UGT2B11: variants seen among roughly 807,000 people sequenced by gnomAD.
The protein encoded by UGT2B11 is UDP glucuronosyltransferase family 2 member B11, also known as UDP-glucuronosyltransferase 2B11.
UGT2B11 carries 49 observed loss-of-function variants against 51.7 expected under a neutral mutation model. That is an observed-to-expected ratio of 0.95 (90% CI 0.75 to 1.20). The LOEUF is 1.20. UGT2B11 is among the 50% of genes most tolerant of loss of function. The pLI, the probability that UGT2B11 is intolerant of heterozygous loss-of-function variation, is 0.00. For missense variants in UGT2B11, 810 were observed against 622.1 expected (o/e 1.30, Z -3.21); for synonymous variants, 273 against 209.0 (o/e 1.31, Z -2.64).
At chr4:69,212,781 T>A in intron 1 of UGT2B11, 60 bp from the exon 2 acceptor site, 1 of 1,549,830 alleles carries the variant, frequency 6.5e-7, no homozygotes, top group South Asian at 1.3e-5. Flanking sequence ...TACATACCTT[T>A]CTGAAAAAGG....
At chr4:69,215,953 T>G (rs1412809404), upstream of UGT2B11, 1 of 152,056 alleles carries the variant, frequency 6.6e-6, no homozygotes, top group African/African-American at 2.4e-5. Context: ...TTGTTAAAAA[T>G]CTCAAATGCA....
At chr4:69,212,816 A>T in intron 1 of UGT2B11, 95 bp from the exon 2 acceptor site, 1 of 1,387,964 alleles carries the variant, frequency 7.2e-7, no homozygotes, top group Non-Finnish European at 9.5e-7. Context: ...GCAAAGATGT[A>T]GGTAAAGTTT....
At position 69,200,331 on chromosome 4, in the gene UGT2B11, TTTTG is replaced by T; in HGVS notation, c.*105_*108del. The stretch of plus-strand genomic sequence containing the variant: ...TTGAAAATTTTTTTTTTTTTTTTTT[TTTTG>T]TCACAGGAAGAAAGAAATCTTGCAT... On this transcript the variant is annotated 3_prime_UTR_variant, in exon 6 of 6. Transcript: ENST00000446444. 6 of 1,197,632 alleles carry T rather than the reference TTTTG, an allele frequency of 5.0e-6. No individual in the cohort carries two copies. Among genetic ancestry groups the T allele is most frequent in the Non-Finnish European group, 6.4e-6 (6 of 941,988 alleles). The allele number at this position is 1,197,632 out of a possible 1,614,324, so 74.2% of individuals were successfully genotyped here.
In UGT2B11 at chr4:69,214,092, C is replaced by A. The variant is rs1221679606; in HGVS notation, c.631G>T (p.Val211Leu). Reference protein sequence around the residue: ...LSDQMTFMERVKNMIYVLYFD... With the variant: ...LSDQMTFMERLKNMIYVLYFD... ...TAAAGCACATAGATCATATTTTTTA[C>A]CCTCTCCATGAAAGTCATTTGATCA... is the stretch of plus-strand genomic sequence containing the variant. The change falls in exon 1 of 6, where the codon GTA becomes TTA. Residue 211 changes from valine (V) to leucine (L), a missense_variant. Physicochemically the swap from Val to Leu is conservative, Grantham distance 32. Coordinates refer to ENST00000446444, the MANE Select transcript of UGT2B11 (RefSeq NM_001073.3). 1 of 1,611,180 alleles carries A rather than the reference C, an allele frequency of 6.2e-7. No individual in the cohort carries two copies. Among genetic ancestry groups the A allele is most frequent in the South Asian group, 1.1e-5 (1 of 90,726 alleles).
At chr4:69,224,442 G>T in the UGT2B11 span, among the ~76,000 whole-genome samples, 4 of 152,202 alleles carry the variant, frequency 2.6e-5, no homozygotes, top group African/African-American at 9.6e-5. Flanking sequence ...AGAGGGTCAG[G>T]GTTGTTAGAG....
upstream of UGT2B11, among the ~76,000 whole-genome samples, chr4:69,219,649 C>A (rs1231476766): frequency 1.3e-5 from 2 of 152,148 alleles, no homozygotes; most frequent in African/African-American, 4.8e-5. Context: ...TTATGTAATA[C>A]ATGGAGGCAG....
intron 2 of UGT2B11, among the ~76,000 whole-genome samples, chr4:69,211,604 T>G (rs566105287): frequency 6.6e-6 from 1 of 151,684 alleles, no homozygotes; most frequent in Admixed American, 6.6e-5. Context: ...GTGTTTTGTC[T>G]GTTTTAATAT....
At chr4:69,202,077 C>A (rs1473960071) in intron 5 of UGT2B11, among the ~76,000 whole-genome samples, 3 of 151,776 alleles carry the variant, frequency 2.0e-5, no homozygotes, top group Non-Finnish European at 4.4e-5. Context: ...AATACGTACT[C>A]AAAAGTGTCT....
chr4:69,217,853 A>T (rs1722312738), upstream of UGT2B11, among the ~76,000 whole-genome samples: 1 of 152,076 alleles, frequency 6.6e-6, no homozygotes, highest in Non-Finnish European at 1.5e-5. Flanking sequence ...TTCACAATCA[A>T]GATGCTGGTA....
chr4:69,223,997 C>A, the UGT2B11 span, among the ~76,000 whole-genome samples: 2 of 152,122 alleles, frequency 1.3e-5, no homozygotes, highest in African/African-American at 4.8e-5. Flanking sequence ...TAATTACAGA[C>A]CTATCTTTAA....
At chr4:69,221,744 G>C in the UGT2B11 span, among the ~76,000 whole-genome samples, 1 of 152,134 alleles carries the variant, frequency 6.6e-6, no homozygotes, top group Non-Finnish European at 1.5e-5. Context: ...GGTTAAAACT[G>C]AGAAGGCCAC....
chr4:69,222,821 C>T, the UGT2B11 span, among the ~76,000 whole-genome samples: 1 of 152,152 alleles, frequency 6.6e-6, no homozygotes, highest in African/African-American at 2.4e-5. Context: ...AATTCTCCTC[C>T]TACTGCTTAT....
chr4:69,211,184 T>A (rs554457540), intron 2 of UGT2B11: 1 of 151,668 alleles, frequency 6.6e-6, no homozygotes, highest in East Asian at 1.9e-4. Context: ...TTCTGGGATC[T>A]CAATGCAGAA....
In UGT2B11 at chr4:69,214,628, T is replaced by A. The variant is rs1280107389; in HGVS notation, c.95A>T (p.Glu32Val). The change falls in exon 1 of 6, where the codon GAA (glutamate) becomes GTA (valine). Residue 32 changes from glutamate (E) to valine (V), a missense_variant. Physicochemically the swap from Glu to Val is moderately radical, Grantham distance 121 (BLOSUM62 -2). Transcript: ENST00000446444. ...CTTCATATTCATCCAATGGCTGTAT[T>A]CTGCGGCCCACACCAGCACTTTTCC... ...SCGKVLVWAAEYSHWMNMKTI... is the reference protein window; with the variant it reads ...SCGKVLVWAAVYSHWMNMKTI... 1.4e-5 allele frequency: 23 copies of A among 1,613,158 alleles called. No homozygotes were observed. The highest frequency in any genetic ancestry group is 1.8e-5 in the Non-Finnish European group (21 of 1,179,422).
intron 3 of UGT2B11, chr4:69,205,780 G>T (rs2109944059): frequency 4.1e-6 from 2 of 487,310 alleles, no homozygotes; most frequent in Admixed American, 4.3e-5. Context: ...CAGTACCATA[G>T]AAAAATAAGA....
intron 2 of UGT2B11, 129 bp from the exon 3 acceptor site, chr4:69,208,611 T>C: frequency 2.7e-6 from 4 of 1,483,058 alleles, no homozygotes; most frequent in Non-Finnish European, 3.6e-6. Context: ...ATAATATTTT[T>C]TAACTGAATC....
chr4:69,221,281 T>A, the UGT2B11 span, among the ~76,000 whole-genome samples: 1 of 152,196 alleles, frequency 6.6e-6, no homozygotes, highest in African/African-American at 2.4e-5. Context: ...AGAATTGGGG[T>A]GTTCCAAGGA....
intron 5 of UGT2B11, among the ~76,000 whole-genome samples, chr4:69,203,029 C>T (rs1721717578): frequency 6.6e-6 from 1 of 151,500 alleles, no homozygotes; most frequent in African/African-American, 2.4e-5. Context: ...AAAAATTTAA[C>T]TTAAAATTAT....
the UGT2B11 span, among the ~76,000 whole-genome samples, chr4:69,221,327 A>C: frequency 6.6e-6 from 1 of 152,162 alleles, no homozygotes; most frequent in Non-Finnish European, 1.5e-5. Flanking sequence ...GAGCTTTTAA[A>C]TTTCTAACAA....
Sources: allele counts gnomAD v4.1 joint callset (sites outside exome capture counted in the v4.1 genomes callset), GRCh38; gene constraint gnomAD v4.1.1; transcripts MANE v1.5; gene names NCBI Gene and HGNC (gene_info 2026-07-23, HGNC 2026-07-21).